The following RFK variants were observed in gnomAD, a reference collection of about 807,000 sequenced individuals.
RFK encodes riboflavin kinase, also known as 0610038L10Rik.
Under a neutral mutation model 17.6 loss-of-function variants are expected in RFK, and 4 were observed. That is an observed-to-expected ratio of 0.23 (90% CI 0.11 to 0.52). The LOEUF (loss-of-function observed/expected upper bound fraction) is 0.52, where lower values mean the gene tolerates loss of function less well. Ranked by LOEUF, RFK falls within the 20% of genes least tolerant of loss-of-function variation. RFK has a pLI of 0.96. For synonymous variants in RFK, 59 were observed against 63.8 expected (o/e 0.92, Z 0.36); for missense variants, 189 against 187.7 (o/e 1.01, Z -0.04).
chr9:76,393,469 A>C (rs1822844945), intron 1 of RFK, among the ~76,000 whole-genome samples: 1 of 152,042 alleles, frequency 6.6e-6, no homozygotes, highest in African/African-American at 2.4e-5. Flanking sequence ...GGCCTCCCAA[A>C]GTGCTGGGAT....
At chr9:76,388,388 C>G (rs543260358) in intron 3 of RFK, 166 bp downstream of exon 3, 81 of 643,804 alleles carry the variant, frequency 1.3e-4, no homozygotes, top group Non-Finnish European at 2.2e-4. Flanking sequence ...AAAATAATCC[C>G]TCACAGGTGA....
chr9:76,389,479 G>T (rs1390066757), intron 2 of RFK, among the ~76,000 whole-genome samples: 2 of 152,154 alleles, frequency 1.3e-5, no homozygotes, highest in Non-Finnish European at 2.9e-5. Flanking sequence ...TGTAAGACTG[G>T]TTGGGTGCAG....
chr9:76,387,800 G>A, intron 3 of RFK: 1 of 286,092 alleles, frequency 3.5e-6, no homozygotes, highest in Non-Finnish European at 6.7e-6. Context: ...CGGAGTTCGA[G>A]ACCAGCCTGG....
intron 2 of RFK, among the ~76,000 whole-genome samples, chr9:76,391,694 T>C (rs1822822234): frequency 6.6e-6 from 1 of 152,248 alleles, no homozygotes; most frequent in Admixed American, 6.5e-5. Context: ...CTTTATTTTC[T>C]ACATAATTTA....
intron 2 of RFK, among the ~76,000 whole-genome samples, chr9:76,390,626 T>C (rs1367547524): frequency 6.6e-6 from 1 of 151,118 alleles, no homozygotes. Flanking sequence ...ATTGCACCAC[T>C]GCACTGCAGC....
At position 76,387,377 on chromosome 9, in the gene RFK, GAATA is replaced by G. The variant is rs1822752089; in HGVS notation, c.*18_*21del. 6.3e-7 allele frequency: 1 copy of G among 1,592,762 alleles called. No homozygotes were observed. The highest frequency in any genetic ancestry group is 8.6e-7 in the Non-Finnish European group (1 of 1,167,914). Reference sequence around the variant, plus strand: ...ACAGAAACACTAGAAAACAGTGAATGAATAAATAATACAATTTTTCATCAGTGGC... The same window carrying G: ...ACAGAAACACTAGAAAACAGTGAATGAATAATACAATTTTTCATCAGTGGC... On this transcript the variant is annotated 3_prime_UTR_variant, in exon 4 of 4. Transcript: ENST00000376736.
rs1468880236 is a variant in RFK at position 76,386,991 on chromosome 9, T to TG, written c.*407dup. 2 of 154,970 alleles carry TG rather than the reference T, an allele frequency of 1.3e-5. No individual in the cohort carries two copies. The highest frequency in any genetic ancestry group is 4.8e-5 in the African/African-American group (2 of 41,456). 9.6% of individuals were successfully genotyped at this position (154,970 alleles called of 1,614,324 possible). On this transcript the variant is annotated 3_prime_UTR_variant, in exon 4 of 4. Coordinates refer to ENST00000376736, the MANE Select transcript of RFK (RefSeq NM_018339.6). ...TGCTGGGATTACCGGTGTGAGCCACTGCACTTGGCCTTAATGCATTTACTT... is the reference window on the plus strand; with the variant it reads ...TGCTGGGATTACCGGTGTGAGCCACTGGCACTTGGCCTTAATGCATTTACTT...
In RFK at chr9:76,394,152, A is replaced by T; in HGVS notation, c.20T>A (p.Phe7Tyr). ...GCCCCGCACCACTTGACCCCGGCAG[A>T]AGTAAGGCAGGTGCCTCATAATGCA... MRHLPY[F>Y]CRGQVVRGFG... The change falls in exon 1 of 4, where the codon TTC becomes TAC. Residue 7 changes from phenylalanine to tyrosine, a missense_variant. Physicochemically the swap from Phe to Tyr is conservative, Grantham distance 22 (BLOSUM62 3). This residue lies in a region of RFK where 90 missense variants were observed against 75.4 expected (regional missense o/e 1.19). Transcript: ENST00000376736. 1.2e-6 allele frequency: 2 copies of T among 1,608,454 alleles called. No homozygotes were observed. The highest frequency in any genetic ancestry group is 1.7e-6 in the Non-Finnish European group (2 of 1,178,394).
chr9:76,391,674 T>C (rs1376169688), intron 2 of RFK, among the ~76,000 whole-genome samples: 3 of 152,222 alleles, frequency 2.0e-5, no homozygotes, highest in Non-Finnish European at 4.4e-5. Context: ...TTTTGGTTTG[T>C]AACTCCACTC....
At chr9:76,390,499 A>G (rs997596467) in intron 2 of RFK, among the ~76,000 whole-genome samples, 2 of 152,068 alleles carry the variant, frequency 1.3e-5, no homozygotes, top group Non-Finnish European at 2.9e-5. Context: ...TCTCATCTCT[A>G]TAAAAAAATT....
rs757102093 is a variant in RFK at position 76,394,226 on chromosome 9, C to G, written c.-55G>C. ...GCCCGGTCTGCGCGTCCTGCGGAGC[C>G]GCCGTCGACGCGGCGCCCAGACCCC... On this transcript the variant is annotated 5_prime_UTR_variant, in exon 1 of 4. Coordinates refer to ENST00000376736, the MANE Select transcript of RFK (RefSeq NM_018339.6). The G allele has an allele frequency of 2.6e-6, 4 of 1,518,614 alleles. No homozygotes were observed. The South Asian group carries it at 4.9e-5, about 18-fold the overall frequency. 94.1% of individuals were successfully genotyped at this position (1,518,614 alleles called of 1,614,324 possible). A position where few individuals can be genotyped will look rare whatever the true frequency, so the allele number is the denominator to read the frequency against.
Position 76,392,443 on chromosome 9 carries a change from T to C in RFK, c.209A>G (p.Tyr70Cys). ...CATAGACTTCTTCGTATTCTTGTAA[T>C]ATGGGTTCCATCCTATGCTCACCAC... Reference protein sequence around the residue: ...KMVVSIGWNPYYKNTKKSMET... With the variant: ...KMVVSIGWNPCYKNTKKSMET... The change falls in exon 2 of 4, where the codon TAT (tyrosine) becomes TGT (cysteine). Residue 70 changes from tyrosine (Y) to cysteine (C), a missense_variant. By Grantham distance (194) the Tyr-to-Cys change is radical. Transcript: ENST00000376736. 1 of 1,614,224 alleles carries C rather than the reference T, an allele frequency of 6.2e-7. No individual in the cohort carries two copies. The highest frequency in any genetic ancestry group is 8.5e-7 in the Non-Finnish European group (1 of 1,180,038).
At chr9:76,392,905 AAAT>A (rs1292756036) in intron 1 of RFK, among the ~76,000 whole-genome samples, 8 of 152,220 alleles carry the variant, frequency 5.3e-5, no homozygotes, top group Non-Finnish European at 1.2e-4. Context: ...TTCTGTCTCA[AAAT>A]AATAATAAGA....
chr9:76,392,547 T>C lies in RFK; in HGVS notation c.105A>G (p.Val35=). 9 of 1,614,192 alleles carry C rather than the reference T, an allele frequency of 5.6e-6. No individual in the cohort carries two copies. The highest frequency in any genetic ancestry group is 7.6e-6 in the Non-Finnish European group (9 of 1,180,020). Residue 35 remains valine, a synonymous_variant, in exon 2 of 4, where the codon GTA becomes GTG. Transcript: ENST00000376736. The stretch of plus-strand genomic sequence containing the variant: ...TGGATATATCAGCTGGAAGATTATC[T>C]ACCACTTGCTCAGGAAAATTAGCTA... ...IPTANFPEQV[V]DNLPADISTG...
chr9:76,387,722 G>A (rs948629901), intron 3 of RFK, 193 bp from the exon 4 acceptor site: 11 of 446,406 alleles, frequency 2.5e-5, no homozygotes, highest in Admixed American at 1.2e-4. Context: ...TCCCTAGGCC[G>A]GGGGCAGTGG....
Position 76,386,079 on chromosome 9 carries a change from T to A in RFK, c.*1320A>T, listed in dbSNP as rs1018205447. The A allele has an allele frequency of 3.3e-4, 50 of 152,304 alleles. No individual in the cohort carries two copies. The highest frequency in any genetic ancestry group is 1.1e-3 in the African/African-American group (46 of 41,576). 9.4% of individuals were successfully genotyped at this position (152,304 alleles called of 1,614,324 possible). On this transcript the variant is annotated 3_prime_UTR_variant, in exon 4 of 4. Coordinates refer to ENST00000376736, the MANE Select transcript of RFK (RefSeq NM_018339.6). ...AAATTAACTTTAAAATTACCTTCTA[T>A]CTGCTTCTACCTCTATCCCCCCATC...
At chr9:76,389,059 T>C (rs1822781222) in intron 2 of RFK, among the ~76,000 whole-genome samples, 1 of 152,212 alleles carries the variant, frequency 6.6e-6, no homozygotes, top group Non-Finnish European at 1.5e-5. Context: ...TGCACACGTC[T>C]GACACACAAC....
chr9:76,391,301 A>C (rs142113030), intron 2 of RFK, among the ~76,000 whole-genome samples: 1 of 152,346 alleles, frequency 6.6e-6, no homozygotes, highest in African/African-American at 2.4e-5. Flanking sequence ...CTTCACTGTA[A>C]TTTGTTTTTG....
At position 76,387,116 on chromosome 9, in the gene RFK, C is replaced by T. The variant is rs985647939; in HGVS notation, c.*283G>A. 2 of 228,168 alleles carry T rather than the reference C, an allele frequency of 8.8e-6. No individual in the cohort carries two copies. The highest frequency in any genetic ancestry group is 1.7e-5 in the Non-Finnish European group (2 of 115,744). The allele number at this position is 228,168 out of a possible 1,614,324, so 14.1% of individuals were successfully genotyped here. On this transcript the variant is annotated 3_prime_UTR_variant, in exon 4 of 4. Coordinates refer to ENST00000376736, the MANE Select transcript of RFK (RefSeq NM_018339.6). The stretch of plus-strand genomic sequence containing the variant: ...GTTTTCATCTCAAACTAGTGACTTG[C>T]CTTTTTACCCATACTTATACACATG...
Sources: gnomAD v4.1 joint callset for allele counts (sites outside exome capture counted in the v4.1 genomes callset) on GRCh38, gnomAD v4.1.1 for gene constraint, gnomAD v4.1.1 regional missense constraint, MANE v1.5 for transcripts, NCBI Gene and HGNC (gene_info 2026-07-23, HGNC 2026-07-21) for gene names.